Variants in ZNF229 observed in about 807,000 individuals in gnomAD.
ZNF229 encodes the protein zinc finger protein 229.
A neutral mutation model predicts 11.8 loss-of-function variants in ZNF229; 10 were observed. That is an observed-to-expected ratio of 0.85 (90% CI 0.52 to 1.44). The LOEUF (loss-of-function observed/expected upper bound fraction) is 1.44. Among genes scored for constraint, ZNF229 ranks in the 40% most tolerant of loss-of-function variants. ZNF229 has a pLI of 0.00. For synonymous variants in ZNF229, 368 were observed against 374.8 expected (o/e 0.98, Z 0.21); for missense variants, 1,045 against 1,015.1 (o/e 1.03, Z -0.40).
At chr19:44,438,476 G>A (rs1217420737) in intron 4 of ZNF229, among the ~76,000 whole-genome samples, 2 of 152,066 alleles carry the variant, frequency 1.3e-5, no homozygotes, top group African/African-American at 2.4e-5. Flanking sequence ...AGTTTACAAC[G>A]AAGTGTGTGA....
In ZNF229 at chr19:44,442,529, G is replaced by A. The variant is rs772826125; in HGVS notation, c.93+34C>T. 3.1e-6 allele frequency: 5 copies of A among 1,606,220 alleles called. No individual in the cohort carries two copies. In the African/African-American group the frequency reaches 6.7e-5, roughly 21 times the overall value. On this transcript the variant is annotated intron_variant, in intron 4 of 5. Coordinates refer to ENST00000614049, the MANE Select transcript of ZNF229 (RefSeq NM_014518.4). ...GTATGTTTTCTCTCTGATGCCTAAG[G>A]TGGTATTTCGGGAGAGAAAAGAAAA...
intron 5 of ZNF229, among the ~76,000 whole-genome samples, chr19:44,430,902 A>G (rs1971712459): frequency 6.6e-6 from 1 of 152,184 alleles, no homozygotes; most frequent in Admixed American, 6.5e-5. Context: ...ACACATATTA[A>G]CTGACTTAAA....
At chr19:44,431,825 T>G (rs1368270875) in intron 5 of ZNF229, 47 of 989,040 alleles carry the variant, frequency 4.8e-5, no homozygotes, top group Non-Finnish European at 5.5e-5. Flanking sequence ...AAAATTCCTA[T>G]GTTGAAATCC....
intron 4 of ZNF229, among the ~76,000 whole-genome samples, chr19:44,434,721 G>A (rs940571197): frequency 6.6e-6 from 1 of 152,228 alleles, no homozygotes; most frequent in African/African-American, 2.4e-5. Flanking sequence ...TTAAGAATGA[G>A]ATGAATGCTT....
chr19:44,443,022 G>C lies in ZNF229; in HGVS notation c.-175C>G. ...GCGCGACTGCTTCCCATGGTCAGGGGACCTGTAGGTTCGGGAGGGAACTTT... is the reference window on the plus strand; with the variant it reads ...GCGCGACTGCTTCCCATGGTCAGGGCACCTGTAGGTTCGGGAGGGAACTTT... On this transcript the variant is annotated splice_region_variant and 5_prime_UTR_variant, in exon 3 of 6. Transcript: ENST00000614049. 1 of 707,082 alleles carries C rather than the reference G, an allele frequency of 1.4e-6. No individual in the cohort carries two copies. The highest frequency in any genetic ancestry group is 1.9e-5 in the South Asian group (1 of 53,730). 43.8% of individuals were successfully genotyped at this position (707,082 alleles called of 1,614,324 possible).
At chr19:44,434,912 TG>T (rs1196291583) in intron 4 of ZNF229, among the ~76,000 whole-genome samples, 9 of 152,064 alleles carry the variant, frequency 5.9e-5, no homozygotes, top group African/African-American at 2.2e-4. Flanking sequence ...AATTGAATCA[TG>T]GGGGGTGGGT....
chr19:44,443,473 T>C (rs1600033177), intron 2 of ZNF229, among the ~76,000 whole-genome samples: 1 of 152,210 alleles, frequency 6.6e-6, no homozygotes, highest in Non-Finnish European at 1.5e-5. Context: ...TTTTGTGCCA[T>C]GGCCCCCCTT....
rs1411614917 is a variant in ZNF229 at position 44,430,469 on chromosome 19, G to C, written c.312C>G (p.Ser104=). ...ELRFFSHKEL[S]SCKIWEEVAG... is the part of the protein sequence containing the mutation. ...CCACCTCTTCCCAGATTTTGCATGA[G>C]GAGAGCTCTTTGTGTGAAAAGAACC... is the stretch of plus-strand genomic sequence containing the variant. The change falls in exon 6 of 6, where the codon TCC becomes TCG. Residue 104 remains serine (S), a synonymous_variant. Transcript: ENST00000614049. The C allele has an allele frequency of 6.2e-7, 1 of 1,614,122 alleles. No homozygotes were observed. The highest frequency in any genetic ancestry group is 8.5e-7 in the Non-Finnish European group (1 of 1,180,026).
At chr19:44,438,903 A>C (rs983402143) in intron 4 of ZNF229, among the ~76,000 whole-genome samples, 1 of 152,204 alleles carries the variant, frequency 6.6e-6, no homozygotes. Context: ...ACCAGTAAAC[A>C]TAAGTGTTTC....
At position 44,429,018 on chromosome 19, in the gene ZNF229, T is replaced by A; in HGVS notation, c.1763A>T (p.His588Leu). 1 of 1,611,422 alleles carries A rather than the reference T, an allele frequency of 6.2e-7. No individual in the cohort carries two copies. The highest frequency in any genetic ancestry group is 8.5e-7 in the Non-Finnish European group (1 of 1,179,142). The change falls in exon 6 of 6, where the codon CAC becomes CTC. Residue 588 changes from histidine (H) to leucine (L), a missense_variant. By Grantham distance (99) the His-to-Leu change is moderately conservative. Coordinates refer to ENST00000614049, the MANE Select transcript of ZNF229 (RefSeq NM_014518.4). ...TCCCGTGTGGACCCTCTGGTGGCTG[T>A]GAAGGTCTGAATTCCGCCGGAAGCC... The part of the protein sequence containing the change: ...GKGFRRNSDL[H>L]SHQRVHTGER...
chr19:44,438,554 T>C (rs1466427105), intron 4 of ZNF229, among the ~76,000 whole-genome samples: 4 of 152,206 alleles, frequency 2.6e-5, no homozygotes, highest in Admixed American at 2.0e-4. Context: ...TCCACCGTGA[T>C]GTCTTTTTCT....
intron 3 of ZNF229, 68 bp from the exon 4 acceptor site, chr19:44,442,689 T>C: frequency 6.2e-7 from 1 of 1,604,912 alleles, no homozygotes; most frequent in Non-Finnish European, 8.5e-7. Context: ...ATCTACCTGG[T>C]AGGAAGGTGC....
intron 4 of ZNF229, among the ~76,000 whole-genome samples, chr19:44,436,667 C>T (rs991768855): frequency 1.3e-5 from 2 of 151,770 alleles, no homozygotes; most frequent in African/African-American, 4.8e-5. Context: ...GTCCCAGCTA[C>T]TTGAGGTGGA....
At chr19:44,431,040 C>A (rs1971714270) in intron 5 of ZNF229, among the ~76,000 whole-genome samples, 1 of 152,082 alleles carries the variant, frequency 6.6e-6, no homozygotes, top group African/African-American at 2.4e-5. Context: ...GTGGAGCTGG[C>A]ATTTAAATGC....
At chr19:44,430,804 T>C (rs566760859) in intron 5 of ZNF229, among the ~76,000 whole-genome samples, 1 of 152,318 alleles carries the variant, frequency 6.6e-6, no homozygotes, top group South Asian at 2.1e-4. Flanking sequence ...CAGATTTTTA[T>C]AGAGAAAGTT....
rs551047753 is a variant in ZNF229 at position 44,438,060 on chromosome 19, C to A, written c.93+4503G>T. Among the ~76,000 whole-genome samples, 71 of 152,210 alleles carry A rather than the reference C, an allele frequency of 4.7e-4. 3 individuals are homozygous for A. The South Asian group carries it at 0.015, about 31-fold the overall frequency. ...GTGACAAAATAATCTGTACAACAAA[C>A]CCCCATGCCATGCAATTCACCTATA... is the stretch of plus-strand genomic sequence containing the variant. On this transcript the variant is annotated intron_variant, in intron 4 of 5. Coordinates refer to ENST00000614049, the MANE Select transcript of ZNF229 (RefSeq NM_014518.4).
At chr19:44,435,869 C>T (rs1334243656) in intron 4 of ZNF229, among the ~76,000 whole-genome samples, 1 of 152,224 alleles carries the variant, frequency 6.6e-6, no homozygotes, top group Non-Finnish European at 1.5e-5. Flanking sequence ...GTATCTTAGC[C>T]TCAGGCAATG....
Position 44,428,754 on chromosome 19 carries a change from C to T in ZNF229, c.2027G>A (p.Arg676Gln), listed in dbSNP as rs202091917. 1.2e-4 allele frequency: 190 copies of T among 1,613,982 alleles called. No homozygotes were observed. The highest frequency in any genetic ancestry group is 3.3e-4 in the Middle Eastern group (2 of 6,062). The change falls in exon 6 of 6, where the codon CGA (arginine) becomes CAA (glutamine). Residue 676 changes from arginine (R) to glutamine (Q), a missense_variant. Physicochemically the swap from Arg to Gln is conservative, Grantham distance 43. Transcript: ENST00000614049. Reference protein sequence around the residue: ...RCTSSLHKHQRVHTGKKPYTC... With the variant: ...RCTSSLHKHQQVHTGKKPYTC... ...ATAGGGCTTTTTTCCCGTGTGGACT[C>T]GCTGATGTTTGTGAAGGCTTGATGT...
chr19:44,442,797 C>G lies in ZNF229; in HGVS notation c.34+17G>C. On this transcript the variant is annotated intron_variant, in intron 3 of 5. Coordinates refer to ENST00000614049, the MANE Select transcript of ZNF229 (RefSeq NM_014518.4). ...GTTTGGATTCTCCCCCCACCCACCC[C>G]CTCTATTAGCTGTCACCTCTTTTCT... 6.3e-7 allele frequency: 1 copy of G among 1,581,644 alleles called. No individual in the cohort carries two copies.
Sources: allele counts gnomAD v4.1 joint callset (sites outside exome capture counted in the v4.1 genomes callset), GRCh38; gene constraint gnomAD v4.1.1; transcripts MANE v1.5; gene names NCBI Gene and HGNC (gene_info 2026-07-23, HGNC 2026-07-21).